The following EPCIP variants were observed in gnomAD, a reference collection of about 807,000 sequenced individuals.
The protein encoded by EPCIP is exosomal polycystin 1 interacting protein.
chr21:32,809,282 T>TTCTTTC, the EPCIP span, among the ~76,000 whole-genome samples: 1 of 87,738 alleles, frequency 1.1e-5, no homozygotes, highest in Non-Finnish European at 2.2e-5. Flanking sequence ...CCTCCTTCCT[T>TTCTTTC]TCTTTCTTTC....
chr21:32,803,293 T>G, the EPCIP span, among the ~76,000 whole-genome samples: 364 of 152,332 alleles, frequency 2.4e-3, no homozygotes, highest in African/African-American at 8.5e-3. Context: ...ACTGTAAGCC[T>G]TATGGCTACC....
chr21:32,805,417 A>C, the EPCIP span, among the ~76,000 whole-genome samples: 1 of 151,502 alleles, frequency 6.6e-6, no homozygotes, highest in Non-Finnish European at 1.5e-5. Flanking sequence ...TGTGGAGTGC[A>C]GTGGCACGAT....
chr21:32,800,152 T>C, the EPCIP span, among the ~76,000 whole-genome samples: 1 of 152,226 alleles, frequency 6.6e-6, no homozygotes. Context: ...GGGCAAATGC[T>C]CCAAATGCTG....
chr21:32,800,220 T>A, the EPCIP span, among the ~76,000 whole-genome samples: 1 of 152,200 alleles, frequency 6.6e-6, no homozygotes, highest in Non-Finnish European at 1.5e-5. Flanking sequence ...ACAGAACTAG[T>A]CAAGTTTGAA....
At chr21:32,809,275 C>CT in the EPCIP span, among the ~76,000 whole-genome samples, 4 of 59,106 alleles carry the variant, frequency 6.8e-5, no homozygotes, top group African/African-American at 1.1e-4. Flanking sequence ...TTCCCTCCCT[C>CT]CTTCCTTTCT....
the EPCIP span, among the ~76,000 whole-genome samples, chr21:32,792,207 C>G: frequency 6.6e-6 from 1 of 152,146 alleles, no homozygotes; most frequent in Non-Finnish European, 1.5e-5. Flanking sequence ...CAAGTTGCGT[C>G]TCTATGAGGG....
chr21:32,796,024 C>T, the EPCIP span, among the ~76,000 whole-genome samples: 2 of 151,434 alleles, frequency 1.3e-5, no homozygotes, highest in African/African-American at 2.4e-5. Context: ...CTCCTTCCCT[C>T]CTTCCTTCCC....
the EPCIP span, among the ~76,000 whole-genome samples, chr21:32,791,672 C>T: frequency 6.6e-6 from 1 of 151,960 alleles, no homozygotes; most frequent in South Asian, 2.1e-4. Context: ...GCTAAATCCC[C>T]CACCAATTAA....
At chr21:32,812,031 G>T in the EPCIP span, among the ~76,000 whole-genome samples, 1 of 152,290 alleles carries the variant, frequency 6.6e-6, no homozygotes, top group East Asian at 1.9e-4. Context: ...AGAAATTTCT[G>T]TTCTTAAGTT....
chr21:32,809,275 C>CCTTCCTTTCTTT, the EPCIP span, among the ~76,000 whole-genome samples: 9 of 59,054 alleles, frequency 1.5e-4, no homozygotes, highest in African/African-American at 4.8e-4. Context: ...TTCCCTCCCT[C>CCTTCCTTTCTTT]CTTCCTTTCT....
the EPCIP span, among the ~76,000 whole-genome samples, chr21:32,805,654 G>T: frequency 6.6e-6 from 1 of 152,120 alleles, no homozygotes. Context: ...AAGCCACTGC[G>T]CCTGGCCAAG....
chr21:32,811,042 G>A, the EPCIP span, among the ~76,000 whole-genome samples: 1 of 152,076 alleles, frequency 6.6e-6, no homozygotes. Context: ...TCTAATGAGT[G>A]TTTCTTTTGT....
chr21:32,793,994 T>G, the EPCIP span: 1 of 1,614,204 alleles, frequency 6.2e-7, no homozygotes, highest in Admixed American at 1.7e-5. Flanking sequence ...CCCACCGCTA[T>G]GGATGAGTAA....
the EPCIP span, among the ~76,000 whole-genome samples, chr21:32,794,765 C>A: frequency 2.0e-5 from 3 of 152,200 alleles, no homozygotes; most frequent in African/African-American, 7.2e-5. Flanking sequence ...AACAACACAG[C>A]CAGAGCGATG....
chr21:32,805,222 TCC>T, the EPCIP span, among the ~76,000 whole-genome samples: 4 of 152,190 alleles, frequency 2.6e-5, no homozygotes, highest in Non-Finnish European at 5.9e-5. Flanking sequence ...GAACAGATTT[TCC>T]CTTGGAGTCT....
At chr21:32,808,967 A>C in the EPCIP span, among the ~76,000 whole-genome samples, 1 of 152,162 alleles carries the variant, frequency 6.6e-6, no homozygotes. Flanking sequence ...ATTTGGGCTA[A>C]ACCGAGTGCC....
chr21:32,796,856 C>G, the EPCIP span: 2 of 404,974 alleles, frequency 4.9e-6, no homozygotes, highest in Admixed American at 6.3e-5. Context: ...CCACCCTGAC[C>G]CTAGCCTTAA....
the EPCIP span, among the ~76,000 whole-genome samples, chr21:32,809,182 CGTGTGTGTGTGTGTGTGTGTGTGT>C: frequency 1.7e-5 from 2 of 121,096 alleles, no homozygotes; most frequent in Non-Finnish European, 3.4e-5. Flanking sequence ...TCGAGGGGTG[CGTGTGTGTGTGTGTGTGTGTGTGT>C]GTGTGTGTGT....
At chr21:32,796,840 G>A in the EPCIP span, 22 of 372,324 alleles carry the variant, frequency 5.9e-5, no homozygotes, top group Non-Finnish European at 1.2e-4. Context: ...TGTCAATACT[G>A]TTGGCCCACC....
Sources: gnomAD v4.1 joint callset for allele counts (sites outside exome capture counted in the v4.1 genomes callset) on GRCh38, gnomAD v4.1.1 for gene constraint, MANE v1.5 for transcripts, NCBI Gene and HGNC (gene_info 2026-07-23, HGNC 2026-07-21) for gene names.